AUH: variants seen among roughly 807,000 people sequenced by gnomAD.
AUH encodes the protein methylglutaconyl-CoA hydratase, mitochondrial.
Under a neutral mutation model 42.3 loss-of-function variants are expected in AUH, and 29 were observed. The ratio of observed to expected loss-of-function variants is 0.69; its 90% CI spans 0.51 to 0.93. The LOEUF is 0.93. AUH is among the 40% of genes least tolerant of loss of function. The probability of loss-of-function intolerance (pLI) is 0.00; values close to 1 mark genes in which losing one functional copy is unlikely to be tolerated. For synonymous variants in AUH, 174 were observed against 166.4 expected (o/e 1.05, Z -0.35); for missense variants, 452 against 438.1 (o/e 1.03, Z -0.28).
chr9:91,266,620 TA>T (rs764372530), intron 6 of AUH, among the ~76,000 whole-genome samples: 5 of 152,194 alleles, frequency 3.3e-5, no homozygotes, highest in Non-Finnish European at 1.5e-5. Context: ...GAGTGTCATA[TA>T]ATTTGATTTT....
At chr9:91,268,880 T>C in intron 6 of AUH, among the ~76,000 whole-genome samples, 1 of 152,224 alleles carries the variant, frequency 6.6e-6, no homozygotes, top group East Asian at 1.9e-4. Flanking sequence ...ATACAATATC[T>C]AAGCATGTAT....
intron 6 of AUH, among the ~76,000 whole-genome samples, chr9:91,228,940 A>C (rs142935466): frequency 0.029 from 4,425 of 152,164 alleles, 232 homozygotes; most frequent in African/African-American, 0.1. Context: ...AATTTCTGTT[A>C]TTTTACATTT....
chr9:91,246,515 T>C (rs1255790087), intron 6 of AUH, among the ~76,000 whole-genome samples: 3 of 152,202 alleles, frequency 2.0e-5, no homozygotes, highest in East Asian at 3.9e-4. Flanking sequence ...AAAATCAATA[T>C]ATGAGACTCA....
At chr9:91,216,485 G>GCT (rs1315852363) in intron 8 of AUH, among the ~76,000 whole-genome samples, 1 of 151,860 alleles carries the variant, frequency 6.6e-6, no homozygotes, top group Non-Finnish European at 1.5e-5. Context: ...CATAGTAAGG[G>GCT]CTATATAAGG....
intron 6 of AUH, among the ~76,000 whole-genome samples, chr9:91,280,180 T>G (rs1203145282): frequency 4.6e-5 from 7 of 152,240 alleles, no homozygotes; most frequent in African/African-American, 1.7e-4. Flanking sequence ...CTTCTTAATT[T>G]ATAGGCAGAA....
chr9:91,252,115 C>T (rs767983440), intron 6 of AUH, among the ~76,000 whole-genome samples: 18 of 151,930 alleles, frequency 1.2e-4, no homozygotes, highest in Non-Finnish European at 2.4e-4. Flanking sequence ...TACAGGAGCC[C>T]GCCACCATGC....
At chr9:91,280,803 T>A (rs1825899498) in intron 6 of AUH, among the ~76,000 whole-genome samples, 1 of 152,208 alleles carries the variant, frequency 6.6e-6, no homozygotes. Flanking sequence ...AGTTTTACAT[T>A]TATGATCTAT....
intron 4 of AUH, among the ~76,000 whole-genome samples, chr9:91,298,335 ATT>A (rs1312380759): frequency 6.6e-6 from 1 of 152,194 alleles, no homozygotes; most frequent in African/African-American, 2.4e-5. Context: ...TTTCATAAAC[ATT>A]TTTTGTTGAA....
At chr9:91,329,302 A>AAG (rs1830164635) in intron 3 of AUH, among the ~76,000 whole-genome samples, 1 of 147,244 alleles carries the variant, frequency 6.8e-6, no homozygotes, top group Non-Finnish European at 1.5e-5. Context: ...ACTTGGAGAA[A>AAG]AGAAAAAAAA....
intron 6 of AUH, among the ~76,000 whole-genome samples, chr9:91,233,210 G>T (rs1827988780): frequency 6.6e-6 from 1 of 152,178 alleles, no homozygotes; most frequent in Admixed American, 6.5e-5. Context: ...AAGACAGGAT[G>T]GCCAGGGAAG....
rs78361518 is a variant in AUH at position 91,259,793 on chromosome 9, T to C, written c.655+36228A>G. Among the ~76,000 whole-genome samples, 1,378 of 152,250 alleles carry C rather than the reference T, an allele frequency of 9.1e-3. 27 individuals carry two copies. Among genetic ancestry groups the C allele is most frequent in the African/African-American group, 0.032 (1,323 of 41,560 alleles). ...TTAATTCCACTGGTGTCAGAGAATA[T>C]ATTCTTATGTCAGTTTTTTAAATTT... On this transcript the variant is annotated intron_variant, in intron 6 of 9. Transcript: ENST00000375731.
intron 4 of AUH, among the ~76,000 whole-genome samples, chr9:91,324,464 C>T (rs540618911): frequency 6.7e-6 from 1 of 149,188 alleles, no homozygotes; most frequent in East Asian, 2.0e-4. Context: ...TATCATGCCA[C>T]TGCATTCCAG....
At chr9:91,332,506 A>G (rs1382364246) in intron 3 of AUH, among the ~76,000 whole-genome samples, 2 of 152,228 alleles carry the variant, frequency 1.3e-5, no homozygotes, top group Non-Finnish European at 2.9e-5. Context: ...TCTCAAAAAA[A>G]TAAATAAAAC....
intron 6 of AUH, among the ~76,000 whole-genome samples, chr9:91,225,476 T>C (rs751692547): frequency 2.0e-5 from 3 of 152,226 alleles, no homozygotes; most frequent in East Asian, 1.9e-4. Context: ...TTCATTAGAT[T>C]AGATGATATA....
chr9:91,336,561 C>T (rs34577779), intron 3 of AUH, among the ~76,000 whole-genome samples: 46 of 151,002 alleles, frequency 3.0e-4, no homozygotes, highest in Middle Eastern at 3.4e-3. Context: ...ACCTGGGATG[C>T]GGAGGTTGCA....
intron 3 of AUH, among the ~76,000 whole-genome samples, chr9:91,346,931 G>C (rs142575953): frequency 6.6e-6 from 1 of 152,142 alleles, no homozygotes; most frequent in African/African-American, 2.4e-5. Context: ...GATGCATAGG[G>C]CAAGGTATGG....
chr9:91,223,801 T>C (rs889961626), intron 6 of AUH, among the ~76,000 whole-genome samples: 3 of 152,276 alleles, frequency 2.0e-5, no homozygotes, highest in Admixed American at 1.3e-4. Flanking sequence ...AATAGTCCCA[T>C]AGACAGTTCT....
intron 3 of AUH, among the ~76,000 whole-genome samples, chr9:91,340,096 G>C (rs1309091062): frequency 2.0e-5 from 3 of 152,198 alleles, no homozygotes; most frequent in African/African-American, 7.2e-5. Context: ...AGGGAGCTAT[G>C]AAATGAACAA....
chr9:91,240,936 T>C (rs1448074194), intron 6 of AUH, among the ~76,000 whole-genome samples: 1 of 151,808 alleles, frequency 6.6e-6, no homozygotes, highest in Non-Finnish European at 1.5e-5. Flanking sequence ...ATGGCCAGGG[T>C]AGGAGGATGC....
Sources: gnomAD v4.1 joint callset for allele counts (sites outside exome capture counted in the v4.1 genomes callset) on GRCh38, gnomAD v4.1.1 for gene constraint, MANE v1.5 for transcripts, NCBI Gene and HGNC (gene_info 2026-07-23, HGNC 2026-07-21) for gene names.